Variants in GPR158 observed in about 807,000 individuals in gnomAD.
The protein encoded by GPR158 is G protein-coupled receptor 158.
Under a neutral mutation model 78.2 loss-of-function variants are expected in GPR158, and 30 were observed. The ratio of observed to expected loss-of-function variants is 0.38; its 90% CI spans 0.29 to 0.52. The LOEUF is 0.52. Among genes scored for constraint, GPR158 ranks in the 20% least tolerant of loss-of-function variants. GPR158 has a pLI of 0.83. For missense variants in GPR158, 1,463 were observed against 1,523.5 expected (o/e 0.96, Z 0.66); for synonymous variants, 581 against 591.1 (o/e 0.98, Z 0.25).
At chr10:25,338,611 A>ATACATATTATATATATTATTATATAT (rs1855260312) in intron 2 of GPR158, among the ~76,000 whole-genome samples, 3 of 146,682 alleles carry the variant, frequency 2.0e-5, no homozygotes, top group Non-Finnish European at 4.5e-5. Context: ...TATATATAAA[A>ATACATATTATATATATTATTATATAT]AATCATATAA....
At chr10:25,227,964 G>C (rs1444491869) in intron 2 of GPR158, among the ~76,000 whole-genome samples, 2 of 152,186 alleles carry the variant, frequency 1.3e-5, no homozygotes, top group Non-Finnish European at 2.9e-5. Flanking sequence ...GATATTGGTA[G>C]GAATGCAAAT....
chr10:25,427,003 T>G (rs1314690219), intron 4 of GPR158, among the ~76,000 whole-genome samples: 1 of 151,640 alleles, frequency 6.6e-6, no homozygotes, highest in Non-Finnish European at 1.5e-5. Flanking sequence ...ATTTTTTTGC[T>G]ATACATCTCT....
intron 5 of GPR158, among the ~76,000 whole-genome samples, chr10:25,517,040 G>A (rs559687501): frequency 3.7e-4 from 56 of 149,842 alleles, no homozygotes; most frequent in African/African-American, 1.3e-3. Context: ...ATCCTCTTTT[G>A]TTTCATTGAG....
At chr10:25,551,851 A>G (rs1257156637) in intron 6 of GPR158, among the ~76,000 whole-genome samples, 2 of 152,178 alleles carry the variant, frequency 1.3e-5, no homozygotes, top group African/African-American at 4.8e-5. Context: ...ATCCCTATAA[A>G]GAAAACCCTT....
rs948832756 is a variant in GPR158 at position 25,600,184 on chromosome 10, A to C, written c.*910A>C. The C allele has an allele frequency of 6.6e-6, 1 of 152,622 alleles. No individual in the cohort carries two copies. The highest frequency in any genetic ancestry group is 1.5e-5 in the Non-Finnish European group (1 of 68,034). 9.5% of individuals were successfully genotyped at this position (152,622 alleles called of 1,614,324 possible). ...TATTGGAGATCAAGTGGTCCTACTTAGTCATATGTCTCAATAAGTTAAGGA... is the reference window on the plus strand; with the variant it reads ...TATTGGAGATCAAGTGGTCCTACTTCGTCATATGTCTCAATAAGTTAAGGA... On this transcript the variant is annotated 3_prime_UTR_variant, in exon 11 of 11. Transcript: ENST00000376351.
chr10:25,243,726 G>T (rs775593863), intron 2 of GPR158, among the ~76,000 whole-genome samples: 2 of 152,054 alleles, frequency 1.3e-5, no homozygotes, highest in African/African-American at 2.4e-5. Flanking sequence ...TATGTTACTT[G>T]TTCATTATTG....
intron 2 of GPR158, among the ~76,000 whole-genome samples, chr10:25,258,461 C>T (rs527422769): frequency 1.6e-4 from 25 of 152,188 alleles, no homozygotes. Context: ...TTTCACAAAC[C>T]TTTTCCTTTA....
intron 4 of GPR158, 35 bp downstream of exon 4, chr10:25,412,508 A>G (rs1834606192): frequency 7.2e-7 from 1 of 1,389,004 alleles, no homozygotes; most frequent in African/African-American, 1.4e-5. Context: ...ATCCTGTATT[A>G]CAGAGCAACC....
intron 2 of GPR158, among the ~76,000 whole-genome samples, chr10:25,317,726 G>GTTTGTTTT (rs1854878357): frequency 7.1e-6 from 1 of 140,140 alleles, no homozygotes; most frequent in Non-Finnish European, 1.5e-5. Context: ...GTTTTTTTTT[G>GTTTGTTTT]TTTTGTTTTG....
chr10:25,334,387 A>G (rs975942303), intron 2 of GPR158, among the ~76,000 whole-genome samples: 9 of 152,106 alleles, frequency 5.9e-5, no homozygotes, highest in African/African-American at 1.9e-4. Context: ...CTCAAAATCT[A>G]TAATTATCAT....
intron 2 of GPR158, among the ~76,000 whole-genome samples, chr10:25,335,103 A>T (rs534830472): frequency 8.1e-4 from 124 of 152,228 alleles, no homozygotes; most frequent in Non-Finnish European, 1.6e-3. Flanking sequence ...CTTATTCAGG[A>T]TATAAGTATG....
chr10:25,515,495 A>G (rs1199955081), intron 5 of GPR158, among the ~76,000 whole-genome samples: 2 of 138,866 alleles, frequency 1.4e-5, no homozygotes, highest in Non-Finnish European at 3.1e-5. Context: ...CATTAGGTAT[A>G]TCTCCCAGTG....
At chr10:25,398,911 G>A (rs577261820) in intron 3 of GPR158, among the ~76,000 whole-genome samples, 1 of 152,308 alleles carries the variant, frequency 6.6e-6, no homozygotes, top group South Asian at 2.1e-4. Flanking sequence ...CCCAACCCTC[G>A]AGCTGCAGAC....
intron 7 of GPR158, among the ~76,000 whole-genome samples, chr10:25,581,740 C>G (rs1397959641): frequency 6.6e-6 from 1 of 152,136 alleles, no homozygotes; most frequent in Non-Finnish European, 1.5e-5. Flanking sequence ...AGCTACCAGG[C>G]TTTCATAAAA....
At chr10:25,524,007 A>G (rs1242992222) in intron 5 of GPR158, among the ~76,000 whole-genome samples, 1 of 152,214 alleles carries the variant, frequency 6.6e-6, no homozygotes, top group East Asian at 1.9e-4. Context: ...TCAGAATATA[A>G]AAGCAATTTA....
intron 2 of GPR158, among the ~76,000 whole-genome samples, chr10:25,251,682 T>G (rs368484028): frequency 6.6e-6 from 1 of 151,696 alleles, no homozygotes; most frequent in Non-Finnish European, 1.5e-5. Context: ...CCGAGAGATC[T>G]GCTGTTAGTC....
At chr10:25,295,642 T>G (rs1457235559) in intron 2 of GPR158, among the ~76,000 whole-genome samples, 1 of 152,110 alleles carries the variant, frequency 6.6e-6, no homozygotes, top group Non-Finnish European at 1.5e-5. Flanking sequence ...CTCAATCTTC[T>G]GACCTCGTGA....
intron 5 of GPR158, among the ~76,000 whole-genome samples, chr10:25,528,632 T>TA (rs1456146490): frequency 6.6e-6 from 1 of 152,138 alleles, no homozygotes; most frequent in African/African-American, 2.4e-5. Flanking sequence ...TAAGAGAATA[T>TA]AAAGGAAACC....
At chr10:25,330,293 C>A (rs1016936514) in intron 2 of GPR158, among the ~76,000 whole-genome samples, 2 of 152,042 alleles carry the variant, frequency 1.3e-5, no homozygotes, top group Non-Finnish European at 2.9e-5. Flanking sequence ...TTATAATTGT[C>A]CCCAGTGGCA....
Sources: allele counts gnomAD v4.1 joint callset (sites outside exome capture counted in the v4.1 genomes callset), GRCh38; gene constraint gnomAD v4.1.1; transcripts MANE v1.5; gene names NCBI Gene and HGNC (gene_info 2026-07-23, HGNC 2026-07-21).